LY96: variants seen among roughly 807,000 people sequenced by gnomAD.
LY96 encodes the protein myeloid differentiation protein-2.
A neutral mutation model predicts 18.9 loss-of-function variants in LY96; 18 were observed. That is an observed-to-expected ratio of 0.95 (90% CI 0.66 to 1.41). The LOEUF (loss-of-function observed/expected upper bound fraction) is 1.41. LY96 is among the 40% of genes most tolerant of loss of function. The pLI, the probability that LY96 is intolerant of heterozygous loss-of-function variation, is 0.00. For missense variants in LY96, 175 were observed against 182.4 expected, an observed-to-expected ratio of 0.96 and a Z score of 0.23; for synonymous variants, 66 against 62.6, an observed-to-expected ratio of 1.06 and a Z score of -0.26.
intron 3 of LY96, among the ~76,000 whole-genome samples, chr8:74,024,591 A>G (rs1816830130): frequency 6.6e-6 from 1 of 152,124 alleles, no homozygotes; most frequent in South Asian, 2.1e-4. Flanking sequence ...GATACGTGTT[A>G]TCGCCCATCA....
chr8:74,002,311 CTG>C (rs1435628543), intron 1 of LY96, among the ~76,000 whole-genome samples: 1 of 151,374 alleles, frequency 6.6e-6, no homozygotes, highest in Non-Finnish European at 1.5e-5. Flanking sequence ...TTTCTGTAGT[CTG>C]TTCTTTTTTT....
chr8:74,037,646 A>T, the LY96 span, among the ~76,000 whole-genome samples: 1 of 152,180 alleles, frequency 6.6e-6, no homozygotes, highest in Non-Finnish European at 1.5e-5. Context: ...AATAAAATTT[A>T]AAATAATTTT....
At chr8:74,053,032 C>T in the LY96 span, among the ~76,000 whole-genome samples, 4 of 152,130 alleles carry the variant, frequency 2.6e-5, no homozygotes, top group Admixed American at 2.6e-4. Context: ...ATTGTACCTG[C>T]CAAGCAACCC....
intron 1 of LY96, among the ~76,000 whole-genome samples, chr8:73,999,088 A>G (rs1816211225): frequency 6.6e-6 from 1 of 151,884 alleles, no homozygotes; most frequent in African/African-American, 2.4e-5. Context: ...CTCATGCTTC[A>G]GCCTCCTGAG....
At chr8:74,069,441 C>T in the LY96 span, among the ~76,000 whole-genome samples, 3,732 of 152,194 alleles carry the variant, frequency 0.025, 168 homozygotes, top group African/African-American at 0.084. Context: ...AAGCCTCGTT[C>T]CTGTGATGGG....
chr8:74,056,559 G>C, the LY96 span: 3 of 161,326 alleles, frequency 1.9e-5, 1 homozygote. Flanking sequence ...ACGGTGAAGG[G>C]AGCAGTTCTG....
chr8:74,071,121 C>T, the LY96 span, among the ~76,000 whole-genome samples: 1 of 152,130 alleles, frequency 6.6e-6, no homozygotes, highest in African/African-American at 2.4e-5. Context: ...GTGTCAGAGC[C>T]AGGCAGCTGG....
At chr8:74,078,571 G>A in the LY96 span, among the ~76,000 whole-genome samples, 1 of 152,268 alleles carries the variant, frequency 6.6e-6, no homozygotes, top group Non-Finnish European at 1.5e-5. Flanking sequence ...GTTGTGTTGG[G>A]TTCTGAGGCT....
the LY96 span, among the ~76,000 whole-genome samples, chr8:74,097,904 C>G: frequency 2.0e-5 from 3 of 152,120 alleles, no homozygotes; most frequent in Admixed American, 1.3e-4. Context: ...TTGACACTAT[C>G]CCTAGGTACT....
At chr8:74,072,129 C>G in the LY96 span, among the ~76,000 whole-genome samples, 1 of 152,222 alleles carries the variant, frequency 6.6e-6, no homozygotes, top group Non-Finnish European at 1.5e-5. Context: ...CCAGTTTTTA[C>G]TCTACCATCC....
chr8:74,078,910 C>G, the LY96 span, among the ~76,000 whole-genome samples: 1 of 152,178 alleles, frequency 6.6e-6, no homozygotes, highest in African/African-American at 2.4e-5. Context: ...GGCTTTCTCT[C>G]TCTCTCTCTT....
At chr8:74,086,756 G>A in the LY96 span, among the ~76,000 whole-genome samples, 1 of 152,328 alleles carries the variant, frequency 6.6e-6, no homozygotes, top group South Asian at 2.1e-4. Flanking sequence ...GCACAGCCCT[G>A]CCGAATGGGA....
At chr8:74,088,433 G>A in the LY96 span, among the ~76,000 whole-genome samples, 2 of 152,106 alleles carry the variant, frequency 1.3e-5, no homozygotes, top group Non-Finnish European at 2.9e-5. Flanking sequence ...GATGTTTTAT[G>A]TCCCTTTCTT....
intron 3 of LY96, among the ~76,000 whole-genome samples, chr8:74,020,733 T>C (rs1206621263): frequency 6.6e-6 from 1 of 152,010 alleles, no homozygotes; most frequent in Non-Finnish European, 1.5e-5. Flanking sequence ...TATAGACCAA[T>C]GGAATAGAAC....
the LY96 span, among the ~76,000 whole-genome samples, chr8:74,068,079 AAAAAAAAAAAAT>A: frequency 2.1e-5 from 2 of 97,204 alleles, no homozygotes; most frequent in African/African-American, 1.3e-4. Flanking sequence ...AAAAAAAAAA[AAAAAAAAAAAAT>A]ATATATATAT....
chr8:74,090,375 A>G, the LY96 span, among the ~76,000 whole-genome samples: 5 of 152,354 alleles, frequency 3.3e-5, no homozygotes, highest in East Asian at 9.6e-4. Context: ...GGGAGCAAAT[A>G]CAAATAGATA....
chr8:74,036,552 G>A, the LY96 span, among the ~76,000 whole-genome samples: 39 of 152,194 alleles, frequency 2.6e-4, no homozygotes, highest in African/African-American at 9.1e-4. Context: ...CCACCCAGAG[G>A]TAGACTCAGC....
intron 1 of LY96, among the ~76,000 whole-genome samples, chr8:73,999,794 C>T (rs1400060963): frequency 1.3e-5 from 2 of 152,204 alleles, no homozygotes; most frequent in Non-Finnish European, 2.9e-5. Flanking sequence ...GCTGAGATTA[C>T]AGGCATGAGC....
At chr8:73,992,468 G>C (rs1816022866) in intron 1 of LY96, among the ~76,000 whole-genome samples, 1 of 152,194 alleles carries the variant, frequency 6.6e-6, no homozygotes, top group African/African-American at 2.4e-5. Context: ...GTTCTGAGAA[G>C]TTCTGCAATA....
Sources: allele counts gnomAD v4.1 joint callset (sites outside exome capture counted in the v4.1 genomes callset), GRCh38; gene constraint gnomAD v4.1.1; transcripts MANE v1.5; gene names NCBI Gene and HGNC (gene_info 2026-07-23, HGNC 2026-07-21).